The following MITF variants were observed in gnomAD, a reference collection of about 807,000 sequenced individuals.
The protein encoded by MITF is microphthalmia-associated transcription factor.
In MITF, 17 loss-of-function variants were observed where a neutral mutation model predicts 60.5. The observed-to-expected ratio is 0.28, with a 90% CI of 0.19 to 0.42. The LOEUF is 0.42. MITF is among the 10% of genes least tolerant of loss of function. The pLI is 1.00. For missense variants in MITF, 622 were observed against 683.5 expected, an observed-to-expected ratio of 0.91 and a Z score of 1.00; for synonymous variants, 260 against 248.5, an observed-to-expected ratio of 1.05 and a Z score of -0.43.
intron 1 of MITF, among the ~76,000 whole-genome samples, chr3:69,873,773 C>T (rs2064290802): frequency 6.6e-6 from 1 of 152,172 alleles, no homozygotes; most frequent in African/African-American, 2.4e-5. Context: ...AGCTCTCCTA[C>T]TATGCAGACA....
intron 1 of MITF, among the ~76,000 whole-genome samples, chr3:69,761,934 C>T (rs1381832425): frequency 1.3e-5 from 2 of 152,214 alleles, no homozygotes; most frequent in Non-Finnish European, 2.9e-5. Flanking sequence ...TAGCTCATAA[C>T]ATCTGGATGT....
chr3:69,890,819 A>G (rs1014680088), intron 2 of MITF, among the ~76,000 whole-genome samples: 1 of 152,194 alleles, frequency 6.6e-6, no homozygotes, highest in African/African-American at 2.4e-5. Flanking sequence ...TTCCTAATGC[A>G]AACAATGAGT....
At chr3:69,822,431 A>C (rs2063290349) in intron 1 of MITF, among the ~76,000 whole-genome samples, 1 of 152,190 alleles carries the variant, frequency 6.6e-6, no homozygotes, top group Admixed American at 6.5e-5. Context: ...TCACCCATTG[A>C]ATATTTCTGG....
chr3:69,739,768 G>T, intron 1 of MITF, 67 bp downstream of exon 1: 1 of 1,207,354 alleles, frequency 8.3e-7, no homozygotes, highest in South Asian at 1.3e-5. Flanking sequence ...CCACTCTGGG[G>T]CGAGGAGAGC....
intron 1 of MITF, among the ~76,000 whole-genome samples, chr3:69,826,162 C>T (rs2063351216): frequency 2.0e-5 from 3 of 152,116 alleles, no homozygotes; most frequent in African/African-American, 7.2e-5. Flanking sequence ...ACTAATTGAA[C>T]ATTACCTGCA....
At chr3:69,921,158 C>T (rs2065459033) in intron 2 of MITF, among the ~76,000 whole-genome samples, 2 of 152,230 alleles carry the variant, frequency 1.3e-5, no homozygotes, top group South Asian at 4.1e-4. Flanking sequence ...AGGCGTGAGC[C>T]ACTGCACCCG....
chr3:69,816,163 C>T lies in MITF; in HGVS notation c.105-62971C>T, dbSNP rs936385954. 5.3e-5 allele frequency among the ~76,000 whole-genome samples: 8 copies of T among 152,236 alleles called. No homozygotes were observed. The East Asian group carries it at 1.5e-3, about 29-fold the overall frequency. On this transcript the variant is annotated intron_variant, in intron 1 of 9. Transcript: ENST00000352241. The stretch of plus-strand genomic sequence containing the variant: ...TTTGCCCAGGACAGTGACATCTCAC[C>T]CTCTGCATATACACATTACTATTCA...
chr3:69,776,552 A>G (rs1486220767), intron 1 of MITF, among the ~76,000 whole-genome samples: 1 of 152,218 alleles, frequency 6.6e-6, no homozygotes, highest in East Asian at 1.9e-4. Flanking sequence ...TCAAGTGTTG[A>G]TAACAACTTG....
intron 8 of MITF, 94 bp from the exon 9 acceptor site, chr3:69,959,178 TA>T: frequency 9.6e-6 from 14 of 1,456,146 alleles, no homozygotes; most frequent in Non-Finnish European, 1.2e-5. Context: ...AAAAAAATTT[TA>T]AAAAGTTCAA....
At chr3:69,930,990 A>G (rs1372949581) in intron 2 of MITF, among the ~76,000 whole-genome samples, 1 of 152,276 alleles carries the variant, frequency 6.6e-6, no homozygotes, top group African/African-American at 2.4e-5. Context: ...TCAGAAAGCT[A>G]TGATACAGTT....
At chr3:69,842,373 C>T (rs914800610) in intron 1 of MITF, among the ~76,000 whole-genome samples, 15 of 152,086 alleles carry the variant, frequency 9.9e-5, no homozygotes, top group Non-Finnish European at 1.2e-4. Context: ...TTAATTTAAG[C>T]GATACATTAA....
At chr3:69,766,826 T>G (rs191647835) in intron 1 of MITF, among the ~76,000 whole-genome samples, 3 of 152,236 alleles carry the variant, frequency 2.0e-5, no homozygotes, top group African/African-American at 7.2e-5. Flanking sequence ...CCTTGGGCCT[T>G]TCTGAATTTA....
At chr3:69,807,860 G>A (rs1318185251) in intron 1 of MITF, among the ~76,000 whole-genome samples, 1 of 152,094 alleles carries the variant, frequency 6.6e-6, no homozygotes, top group African/African-American at 2.4e-5. Context: ...GCAAATGCCA[G>A]AGACTGTTAA....
At chr3:69,776,510 G>T (rs1175797324) in intron 1 of MITF, among the ~76,000 whole-genome samples, 2 of 152,166 alleles carry the variant, frequency 1.3e-5, no homozygotes, top group African/African-American at 4.8e-5. Flanking sequence ...GCTACATAGG[G>T]TTATTATGAA....
At chr3:69,847,311 A>G (rs962984627) in intron 1 of MITF, among the ~76,000 whole-genome samples, 3 of 152,236 alleles carry the variant, frequency 2.0e-5, no homozygotes, top group Admixed American at 6.5e-5. Flanking sequence ...TTCGGAAGAC[A>G]GTGTTGGAGT....
chr3:69,959,441 A>G (rs1197690204), intron 9 of MITF, 21 bp downstream of exon 9: 32 of 1,613,584 alleles, frequency 2.0e-5, no homozygotes, highest in Non-Finnish European at 2.6e-5. Context: ...TGAGTTGTGT[A>G]AAGTTTACTG....
At chr3:69,963,464 C>T (rs953774669) in intron 9 of MITF, among the ~76,000 whole-genome samples, 3 of 152,036 alleles carry the variant, frequency 2.0e-5, no homozygotes, top group African/African-American at 2.4e-5. Flanking sequence ...TTGTTAGGTC[C>T]GAACAACTTA....
chr3:69,889,309 G>A (rs1402817383), intron 2 of MITF, among the ~76,000 whole-genome samples: 2 of 151,448 alleles, frequency 1.3e-5, no homozygotes, highest in Non-Finnish European at 2.9e-5. Flanking sequence ...GTGAACTTGG[G>A]CACATTTCCT....
intron 1 of MITF, among the ~76,000 whole-genome samples, chr3:69,833,064 T>C (rs1010336361): frequency 6.6e-6 from 1 of 152,244 alleles, no homozygotes; most frequent in African/African-American, 2.4e-5. Context: ...TGATTGTTTT[T>C]CTATTTATGC....
Sources: gnomAD v4.1 joint callset for allele counts (sites outside exome capture counted in the v4.1 genomes callset) on GRCh38, gnomAD v4.1.1 for gene constraint, MANE v1.5 for transcripts, NCBI Gene and HGNC (gene_info 2026-07-23, HGNC 2026-07-21) for gene names.